Variants in NCALD observed in about 807,000 individuals in gnomAD.
The protein encoded by NCALD is neurocalcin-delta.
NCALD carries 10 observed loss-of-function variants against 18.6 expected under a neutral mutation model. The observed-to-expected ratio is 0.54, with a 90% CI of 0.33 to 0.91. The LOEUF is 0.91. NCALD is among the 40% of genes least tolerant of loss of function. The pLI, the probability that NCALD is intolerant of heterozygous loss-of-function variation, is 0.03. For missense variants in NCALD, 184 were observed against 247.6 expected, an observed-to-expected ratio of 0.74 and a Z score of 1.72; for synonymous variants, 88 against 87.4, an observed-to-expected ratio of 1.01 and a Z score of -0.04.
chr8:102,002,556 C>G (rs540518740), intron 2 of NCALD, among the ~76,000 whole-genome samples: 2 of 152,288 alleles, frequency 1.3e-5, no homozygotes, highest in African/African-American at 4.8e-5. Flanking sequence ...CTCTCCACCC[C>G]AAATCAACAG....
intron 1 of NCALD, among the ~76,000 whole-genome samples, chr8:101,763,503 C>T (rs932377576): frequency 6.6e-6 from 1 of 152,152 alleles, no homozygotes; most frequent in Non-Finnish European, 1.5e-5. Context: ...AATTTTCAGA[C>T]GTGCTGTGTG....
At chr8:101,990,273 T>C (rs1820990070) in intron 2 of NCALD, among the ~76,000 whole-genome samples, 1 of 152,198 alleles carries the variant, frequency 6.6e-6, no homozygotes, top group Non-Finnish European at 1.5e-5. Context: ...AGAGAGAAAT[T>C]ATGGGCAAGA....
In NCALD at chr8:101,927,235, A is replaced by T. The variant is rs187418659; in HGVS notation, c.-156-11377T>A. 7.2e-4 allele frequency among the ~76,000 whole-genome samples: 110 copies of T among 152,296 alleles called. 1 individual carries two copies. In the East Asian group the frequency reaches 0.02, roughly 28 times the overall value. On this transcript the variant is annotated intron_variant, in intron 2 of 6. Transcript: ENST00000311028. ...TTATCAGTCATTCAGAAAACATCTC[A>T]GGGCCTGAATGTGTCAGCCTCTGTG...
intron 1 of NCALD, among the ~76,000 whole-genome samples, chr8:102,024,390 G>A (rs976643042): frequency 6.6e-6 from 1 of 152,162 alleles, no homozygotes; most frequent in African/African-American, 2.4e-5. Flanking sequence ...TATTCAGAGA[G>A]AACTTCTTCA....
At chr8:101,951,442 A>G (rs1195431698) in intron 2 of NCALD, among the ~76,000 whole-genome samples, 1 of 152,172 alleles carries the variant, frequency 6.6e-6, no homozygotes, top group East Asian at 1.9e-4. Flanking sequence ...AGAAGAGGCC[A>G]TGCTCCACAA....
chr8:101,699,640 C>T (rs2130108445), intron 2 of NCALD, among the ~76,000 whole-genome samples: 3 of 152,252 alleles, frequency 2.0e-5, no homozygotes, highest in Admixed American at 2.0e-4. Flanking sequence ...AATCCATCAT[C>T]CTCAGCAAAC....
At chr8:101,720,182 AG>A (rs1325410529) in intron 1 of NCALD, among the ~76,000 whole-genome samples, 1 of 152,238 alleles carries the variant, frequency 6.6e-6, no homozygotes, top group Non-Finnish European at 1.5e-5. Flanking sequence ...ACAGACATAA[AG>A]ACAGAAAATG....
intron 2 of NCALD, among the ~76,000 whole-genome samples, chr8:101,717,612 G>A (rs1233737761): frequency 2.6e-5 from 4 of 152,096 alleles, no homozygotes; most frequent in African/African-American, 9.7e-5. Flanking sequence ...ATTTAGAAAG[G>A]CACAAAACAG....
chr8:101,819,907 C>G (rs1813652862), intron 4 of NCALD, among the ~76,000 whole-genome samples: 1 of 152,164 alleles, frequency 6.6e-6, no homozygotes, highest in Admixed American at 6.5e-5. Flanking sequence ...ACAAATGGGG[C>G]TGAGGCCCTG....
At chr8:102,077,205 G>T (rs950590094) in intron 1 of NCALD, among the ~76,000 whole-genome samples, 1 of 152,160 alleles carries the variant, frequency 6.6e-6, no homozygotes, top group Non-Finnish European at 1.5e-5. Context: ...TTGGGTGAAA[G>T]GTTCATTCCA....
chr8:101,929,403 GAGGGAGGGAGGA>G (rs1228105084), intron 2 of NCALD, among the ~76,000 whole-genome samples: 2 of 41,340 alleles, frequency 4.8e-5, no homozygotes, highest in Non-Finnish European at 9.4e-5. Context: ...GGCATGGAGG[GAGGGAGGGAGGA>G]AGGGAGGGAG....
chr8:102,095,687 T>C (rs1443867582), intron 1 of NCALD, among the ~76,000 whole-genome samples: 3 of 152,226 alleles, frequency 2.0e-5, no homozygotes, highest in African/African-American at 7.2e-5. Flanking sequence ...GACAGTATTC[T>C]TGTTAAAATG....
At chr8:101,730,862 T>C (rs1816799216) in intron 1 of NCALD, among the ~76,000 whole-genome samples, 1 of 152,234 alleles carries the variant, frequency 6.6e-6, no homozygotes, top group African/African-American at 2.4e-5. Context: ...GCCACTAGAC[T>C]GTAAGCACCT....
At chr8:101,771,392 AAAAT>A (rs1184160432) in intron 1 of NCALD, among the ~76,000 whole-genome samples, 7 of 152,258 alleles carry the variant, frequency 4.6e-5, no homozygotes, top group African/African-American at 1.7e-4. Context: ...AAAACTGCTC[AAAAT>A]AAATATTACT....
At chr8:102,000,272 C>G (rs1323713607) in intron 2 of NCALD, among the ~76,000 whole-genome samples, 1 of 152,168 alleles carries the variant, frequency 6.6e-6, no homozygotes. Context: ...GAGCCGTGCT[C>G]ATTGCTAGCA....
chr8:101,906,864 G>A lies in NCALD; in HGVS notation c.-107+8945C>T, dbSNP rs561116371. Among the ~76,000 whole-genome samples, 25 of 152,270 alleles carry A rather than the reference G, an allele frequency of 1.6e-4. No homozygotes were observed. The South Asian group carries it at 4.8e-3, about 29-fold the overall frequency. The stretch of plus-strand genomic sequence containing the variant: ...CCCACTTTTAGGCGCAAGATTTAAG[G>A]TGGTGCCACAAAAGCATAAATCTAC... On this transcript the variant is annotated intron_variant, in intron 3 of 6. Coordinates refer to the NCALD transcript ENST00000311028.
chr8:101,951,094 G>C (rs1209992533), intron 2 of NCALD, among the ~76,000 whole-genome samples: 2 of 152,190 alleles, frequency 1.3e-5, no homozygotes, highest in Non-Finnish European at 2.9e-5. Flanking sequence ...CCTTCTGGGA[G>C]AATCATTTCC....
intron 1 of NCALD, among the ~76,000 whole-genome samples, chr8:102,098,329 C>T (rs773421822): frequency 3.3e-5 from 5 of 152,162 alleles, no homozygotes; most frequent in Non-Finnish European, 4.4e-5. Flanking sequence ...CCATTTCCTC[C>T]TCACCAGGCC....
At chr8:101,864,072 G>T (rs1163907793) in intron 4 of NCALD, among the ~76,000 whole-genome samples, 2 of 152,164 alleles carry the variant, frequency 1.3e-5, no homozygotes, top group Non-Finnish European at 2.9e-5. Flanking sequence ...ACAGCACCTT[G>T]TAATCAGATA....
Sources: allele counts gnomAD v4.1 joint callset (sites outside exome capture counted in the v4.1 genomes callset), GRCh38; gene constraint gnomAD v4.1.1; transcripts MANE v1.5; gene names NCBI Gene and HGNC (gene_info 2026-07-23, HGNC 2026-07-21).